The following UBASH3B variants were observed in gnomAD, a reference collection of about 807,000 sequenced individuals.
The protein encoded by UBASH3B is ubiquitin associated and SH3 domain containing B, also known as ubiquitin-associated and SH3 domain-containing protein B.
In UBASH3B, 37 loss-of-function variants were observed where a neutral mutation model predicts 83.4. The ratio of observed to expected loss-of-function variants is 0.44; its 90% CI spans 0.34 to 0.58. The LOEUF is 0.58. UBASH3B is among the 20% of genes least tolerant of loss of function. UBASH3B has a pLI of 0.01. For missense variants in UBASH3B, 657 were observed against 827.2 expected, an observed-to-expected ratio of 0.79 and a Z score of 2.52; for synonymous variants, 304 against 318.3, an observed-to-expected ratio of 0.96 and a Z score of 0.48.
chr11:122,677,927 A>T (rs1863688808), intron 1 of UBASH3B, among the ~76,000 whole-genome samples: 1 of 152,272 alleles, frequency 6.6e-6, no homozygotes, highest in East Asian at 1.9e-4. Context: ...GCCCACCACC[A>T]CACCCAGCTC....
intron 1 of UBASH3B, among the ~76,000 whole-genome samples, chr11:122,721,093 A>G (rs967604425): frequency 6.6e-6 from 1 of 151,642 alleles, no homozygotes. Flanking sequence ...AAAATACAAA[A>G]AATTAGCCAG....
At chr11:122,773,518 G>A (rs1565559537) in intron 1 of UBASH3B, among the ~76,000 whole-genome samples, 3 of 152,148 alleles carry the variant, frequency 2.0e-5, no homozygotes, top group Non-Finnish European at 2.9e-5. Flanking sequence ...TAAAGTACAT[G>A]GCTGTCAGAA....
At chr11:122,805,228 C>G (rs1861318109) in intron 11 of UBASH3B, among the ~76,000 whole-genome samples, 1 of 152,186 alleles carries the variant, frequency 6.6e-6, no homozygotes, top group South Asian at 2.1e-4. Context: ...GGGAACTCCC[C>G]TTTTTAAAAC....
chr11:122,766,111 C>T (rs557757852), intron 1 of UBASH3B, among the ~76,000 whole-genome samples: 2 of 152,262 alleles, frequency 1.3e-5, no homozygotes, highest in East Asian at 3.9e-4. Flanking sequence ...GGGTCCTTCT[C>T]AGTGGAATGA....
intron 1 of UBASH3B, among the ~76,000 whole-genome samples, chr11:122,695,805 C>G (rs73613053): frequency 0.028 from 4,204 of 152,240 alleles, 187 homozygotes; most frequent in African/African-American, 0.096. Context: ...ATTCCTACAT[C>G]CCAGCCATGC....
At chr11:122,714,307 C>A (rs1411217251) in intron 1 of UBASH3B, among the ~76,000 whole-genome samples, 6 of 152,216 alleles carry the variant, frequency 3.9e-5, no homozygotes, top group Non-Finnish European at 8.8e-5. Flanking sequence ...TTGAACTCCT[C>A]CATTCTTGGG....
At chr11:122,714,066 C>T (rs1454920304) in intron 1 of UBASH3B, among the ~76,000 whole-genome samples, 1 of 152,202 alleles carries the variant, frequency 6.6e-6, no homozygotes, top group African/African-American at 2.4e-5. Context: ...TCTTGGTCAC[C>T]TTAGGTTCCA....
At chr11:122,686,793 T>G (rs1223887455) in intron 1 of UBASH3B, among the ~76,000 whole-genome samples, 1 of 152,206 alleles carries the variant, frequency 6.6e-6, no homozygotes, top group Non-Finnish European at 1.5e-5. Flanking sequence ...GTGCTATTCC[T>G]ATATGCCAGC....
In UBASH3B at chr11:122,811,284, C is replaced by G. The variant is rs1213929394; in HGVS notation, c.*1398C>G. On this transcript the variant is annotated 3_prime_UTR_variant, in exon 14 of 14. Transcript: ENST00000284273. ...AGATGTATGCAAAGTGAAATGCCAG[C>G]CCTTTAAAGAGACATTAGTTAGTGT... is the stretch of plus-strand genomic sequence containing the variant. 1 of 152,566 alleles carries G rather than the reference C, an allele frequency of 6.6e-6. No homozygotes were observed. Among genetic ancestry groups the G allele is most frequent in the Admixed American group, 6.5e-5 (1 of 15,272 alleles). 9.5% of individuals were successfully genotyped at this position (152,566 alleles called of 1,614,324 possible). A position where few individuals can be genotyped will look rare whatever the true frequency, so the allele number is the denominator to read the frequency against.
At chr11:122,798,257 CAT>C (rs1861186266) in intron 9 of UBASH3B, among the ~76,000 whole-genome samples, 1 of 152,232 alleles carries the variant, frequency 6.6e-6, no homozygotes, top group South Asian at 2.1e-4. Context: ...AAAAATATGA[CAT>C]GTTGAGATTT....
rs76205088 is a variant in UBASH3B, at chr11:122,682,092, C to T, written c.161+25882C>T. On this transcript the variant is annotated intron_variant, in intron 1 of 13. Coordinates refer to ENST00000284273, the MANE Select transcript of UBASH3B (RefSeq NM_032873.5). ...CTGCCCATGTACAGCCACTTGGAAG[C>T]TCGGAGGGATCACTGCGAGGATAGC... Among the ~76,000 whole-genome samples, 756 of 152,326 alleles carry T rather than the reference C, an allele frequency of 5.0e-3. 5 individuals are homozygous for T. The highest frequency in any genetic ancestry group is 8.2e-3 in the Non-Finnish European group (558 of 68,020).
Position 122,690,189 on chromosome 11 carries a change from TA to T in UBASH3B, c.161+33980del, listed in dbSNP as rs1416847997. ...AAACATATATATATATATATATATA[TA>T]TATATATATATATATATATCCAATT... On this transcript the variant is annotated intron_variant, in intron 1 of 13. Coordinates refer to ENST00000284273, the MANE Select transcript of UBASH3B (RefSeq NM_032873.5). Among the ~76,000 whole-genome samples, 61 of 22,658 alleles carry T rather than the reference TA, an allele frequency of 2.7e-3. 2 individuals are homozygous for T. The highest frequency in any genetic ancestry group is 0.028 in the Middle Eastern group (1 of 36). The allele number at this position is 22,658 out of a possible 152,430, so 14.9% of individuals were successfully genotyped here.
At chr11:122,726,905 G>T (rs1173009966) in intron 1 of UBASH3B, among the ~76,000 whole-genome samples, 1 of 152,222 alleles carries the variant, frequency 6.6e-6, no homozygotes, top group African/African-American at 2.4e-5. Flanking sequence ...ATTTCACATT[G>T]ATCAACCGTT....
intron 1 of UBASH3B, among the ~76,000 whole-genome samples, chr11:122,752,461 C>T (rs1026317368): frequency 6.6e-6 from 1 of 152,228 alleles, no homozygotes; most frequent in Admixed American, 6.5e-5. Flanking sequence ...GAAGGAAAGG[C>T]ATGGGTGGGA....
At chr11:122,685,904 T>A (rs1863803114) in intron 1 of UBASH3B, among the ~76,000 whole-genome samples, 1 of 152,180 alleles carries the variant, frequency 6.6e-6, no homozygotes, top group South Asian at 2.1e-4. Context: ...GCAGCCCTAT[T>A]TGGATACAGG....
intron 1 of UBASH3B, among the ~76,000 whole-genome samples, chr11:122,675,764 TAATCACAAAAC>T (rs905178562): frequency 8.5e-5 from 13 of 152,136 alleles, no homozygotes; most frequent in Admixed American, 6.5e-5. Context: ...ACACAGTAGA[TAATCACAAAAC>T]AAGGAGGCAC....
chr11:122,698,554 A>C (rs1863992213), intron 1 of UBASH3B, among the ~76,000 whole-genome samples: 1 of 152,310 alleles, frequency 6.6e-6, no homozygotes, highest in Admixed American at 6.5e-5. Flanking sequence ...ACAGTATGGG[A>C]GAGCCTGGGG....
intron 5 of UBASH3B, among the ~76,000 whole-genome samples, chr11:122,783,812 G>A (rs1205876407): frequency 3.3e-5 from 5 of 152,154 alleles, no homozygotes; most frequent in African/African-American, 1.2e-4. Flanking sequence ...CATCCCAGTG[G>A]GAGGCCTGAG....
At chr11:122,756,900 A>G (rs1218917983) in intron 1 of UBASH3B, among the ~76,000 whole-genome samples, 3 of 152,198 alleles carry the variant, frequency 2.0e-5, no homozygotes, top group Non-Finnish European at 2.9e-5. Context: ...CAAGAGCACA[A>G]TTTGGGGAGT....
Sources: gnomAD v4.1 joint callset for allele counts (sites outside exome capture counted in the v4.1 genomes callset) on GRCh38, gnomAD v4.1.1 for gene constraint, MANE v1.5 for transcripts, NCBI Gene and HGNC (gene_info 2026-07-23, HGNC 2026-07-21) for gene names.